The following LCA5 variants were observed in gnomAD, a reference collection of about 807,000 sequenced individuals.
The protein encoded by LCA5 is lebercilin.
A neutral mutation model predicts 53.0 loss-of-function variants in LCA5; 37 were observed. The ratio of observed to expected loss-of-function variants is 0.70; its 90% confidence interval spans 0.54 to 0.92. LCA5 has a LOEUF of 0.92. LCA5 is among the 40% of genes least tolerant of loss of function. The pLI, the probability that LCA5 is intolerant of heterozygous loss-of-function variation, is 0.00. For synonymous variants in LCA5, 303 were observed against 282.9 expected (o/e 1.07, Z -0.71); for missense variants, 806 against 790.5 (o/e 1.02, Z -0.23).
chr6:79,536,680 A>G (rs1767135571), intron 1 of LCA5, among the ~76,000 whole-genome samples: 1 of 152,206 alleles, frequency 6.6e-6, no homozygotes. Context: ...CCACAGTTTT[A>G]ATAATAACAC....
At chr6:79,538,215 T>C (rs2127695162), upstream of LCA5, among the ~76,000 whole-genome samples, 1 of 152,062 alleles carries the variant, frequency 6.6e-6, no homozygotes, top group East Asian at 1.9e-4. Context: ...TCAAGGTGGT[T>C]TAACACTACT....
chr6:79,521,116 T>G (rs970766781), intron 1 of LCA5, among the ~76,000 whole-genome samples: 1 of 152,132 alleles, frequency 6.6e-6, no homozygotes, highest in Non-Finnish European at 1.5e-5. Context: ...AATTTTAATT[T>G]AAGAAGCCAC....
At chr6:79,526,310 G>A (rs1476613248) in intron 1 of LCA5, among the ~76,000 whole-genome samples, 2 of 152,096 alleles carry the variant, frequency 1.3e-5, no homozygotes, top group Admixed American at 6.6e-5. Context: ...TTGGGAGGCC[G>A]ACGCGGGTGG....
chr6:79,519,631 C>T (rs540236316), intron 1 of LCA5, among the ~76,000 whole-genome samples: 16 of 150,604 alleles, frequency 1.1e-4, no homozygotes, highest in Middle Eastern at 3.4e-3. Context: ...GCAGGAGAAT[C>T]GCTCGAACCC....
At chr6:79,493,902 CA>C in intron 3 of LCA5, 152 bp from the exon 4 acceptor site, 2 of 602,870 alleles carry the variant, frequency 3.3e-6, no homozygotes, top group Non-Finnish European at 5.8e-6. Context: ...AGCTGGGAAA[CA>C]GATTTACCAA....
At chr6:79,508,499 A>G (rs1770328688) in intron 3 of LCA5, among the ~76,000 whole-genome samples, 1 of 151,682 alleles carries the variant, frequency 6.6e-6, no homozygotes, top group South Asian at 2.1e-4. Flanking sequence ...TTAAGAAGGA[A>G]TTGCAACTAG....
intron 2 of LCA5, among the ~76,000 whole-genome samples, chr6:79,516,927 C>A (rs1766455981): frequency 6.6e-6 from 1 of 150,990 alleles, no homozygotes; most frequent in South Asian, 2.1e-4. Flanking sequence ...CATGTATAAC[C>A]AAAACTTATT....
intron 3 of LCA5, among the ~76,000 whole-genome samples, chr6:79,507,933 CT>C (rs963186726): frequency 2.0e-5 from 3 of 152,160 alleles, no homozygotes; most frequent in African/African-American, 7.2e-5. Context: ...TTTGCTGGCG[CT>C]GGATCTCTTT....
chr6:79,517,050 G>A (rs912505397), intron 2 of LCA5, among the ~76,000 whole-genome samples: 2 of 151,950 alleles, frequency 1.3e-5, no homozygotes, highest in Non-Finnish European at 2.9e-5. Context: ...ACGCAAACCC[G>A]AAAATTCGTT....
intron 6 of LCA5, 23 bp downstream of exon 6, chr6:79,491,565 C>A: frequency 6.2e-7 from 1 of 1,611,554 alleles, no homozygotes; most frequent in Non-Finnish European, 8.5e-7. Context: ...GAGTTTGGTA[C>A]ATAACAATAC....
At chr6:79,502,392 TTGTTCTTGTTCTAATGAAACC>T (rs1467496026) in intron 3 of LCA5, among the ~76,000 whole-genome samples, 4 of 152,224 alleles carry the variant, frequency 2.6e-5, no homozygotes, top group African/African-American at 9.6e-5. Context: ...GTAATGGACC[TTGTTCTTGTTCTAATGAAACC>T]TGTTTTCTTT....
intron 3 of LCA5, among the ~76,000 whole-genome samples, chr6:79,506,971 T>C (rs1240306214): frequency 6.6e-6 from 1 of 152,176 alleles, no homozygotes; most frequent in Non-Finnish European, 1.5e-5. Flanking sequence ...ATTAATATGG[T>C]TTCATCTTCC....
intron 2 of LCA5, among the ~76,000 whole-genome samples, chr6:79,516,060 CATA>C (rs1265505232): frequency 2.0e-5 from 3 of 151,616 alleles, no homozygotes; most frequent in African/African-American, 7.3e-5. Flanking sequence ...CAAAATATTT[CATA>C]ATGTTTTATA....
chr6:79,522,463 G>A (rs961737223), intron 1 of LCA5, among the ~76,000 whole-genome samples: 1 of 151,758 alleles, frequency 6.6e-6, no homozygotes, highest in East Asian at 1.9e-4. Flanking sequence ...GAGAGATCGA[G>A]GTACAAAGAA....
chr6:79,513,191 T>G (rs748090451), intron 3 of LCA5, 21 bp downstream of exon 3: 24 of 1,605,238 alleles, frequency 1.5e-5, no homozygotes, highest in African/African-American at 4.0e-5. Flanking sequence ...AAAGTACAAT[T>G]AGAAGCTGTA....
At chr6:79,537,610 T>C (rs1014847243), upstream of LCA5, among the ~76,000 whole-genome samples, 1 of 152,114 alleles carries the variant, frequency 6.6e-6, no homozygotes, top group East Asian at 1.9e-4. Flanking sequence ...GTAGGGAAAT[T>C]GGGGCAAAAC....
chr6:79,492,706 C>CAAAA, intron 4 of LCA5, 59 bp from the exon 5 acceptor site: 1 of 872,136 alleles, frequency 1.1e-6, no homozygotes, highest in Non-Finnish European at 1.9e-6. Context: ...CAAAACAAAA[C>CAAAA]CCCTCACTTT....
At chr6:79,526,212 A>G (rs1766782425) in intron 1 of LCA5, among the ~76,000 whole-genome samples, 2 of 152,278 alleles carry the variant, frequency 1.3e-5, no homozygotes, top group East Asian at 3.9e-4. Flanking sequence ...TCCCCTTCCC[A>G]ATAGCCACTG....
chr6:79,510,329 A>C (rs1770378812), intron 3 of LCA5, among the ~76,000 whole-genome samples: 2 of 152,162 alleles, frequency 1.3e-5, no homozygotes, highest in Admixed American at 1.3e-4. Context: ...CTCAACCTAA[A>C]CCTCACATTC....
Sources: allele counts gnomAD v4.1 joint callset (sites outside exome capture counted in the v4.1 genomes callset), GRCh38; gene constraint gnomAD v4.1.1; transcripts MANE v1.5; gene names NCBI Gene and HGNC (gene_info 2026-07-23, HGNC 2026-07-21).